Variants in TTC8 observed in about 807,000 individuals in gnomAD.
The protein encoded by TTC8 is tetratricopeptide repeat protein 8.
In TTC8, 47 loss-of-function variants were observed where a neutral mutation model predicts 72.5. The ratio of observed to expected loss-of-function variants is 0.65; its 90% CI spans 0.51 to 0.83. The LOEUF (loss-of-function observed/expected upper bound fraction) is 0.83. TTC8 is among the 40% of genes least tolerant of loss of function. The probability of loss-of-function intolerance (pLI) is 0.00; values close to 1 mark genes in which losing one functional copy is unlikely to be tolerated. For synonymous variants in TTC8, 199 were observed against 221.4 expected (o/e 0.90, Z 0.90); for missense variants, 611 against 623.2 (o/e 0.98, Z 0.21).
chr14:88,856,313 G>T (rs901505903), intron 8 of TTC8, among the ~76,000 whole-genome samples: 3 of 152,086 alleles, frequency 2.0e-5, no homozygotes, highest in Non-Finnish European at 4.4e-5. Context: ...AATGCTTAAG[G>T]TTTAAGGTTA....
At chr14:88,872,579 T>A (rs1222473598) in intron 13 of TTC8, 127 bp downstream of exon 13, 3 of 1,356,754 alleles carry the variant, frequency 2.2e-6, no homozygotes, top group Non-Finnish European at 3.1e-6. Flanking sequence ...TGGATTTGAA[T>A]CCCAGCTCTG....
intron 1 of TTC8, among the ~76,000 whole-genome samples, chr14:88,826,265 G>A (rs1185638801): frequency 6.6e-6 from 1 of 151,674 alleles, no homozygotes; most frequent in African/African-American, 2.4e-5. Flanking sequence ...TGGGATTACA[G>A]GCATGAGCCA....
chr14:88,850,041 T>TA (rs971566428), intron 7 of TTC8, among the ~76,000 whole-genome samples: 115 of 152,232 alleles, frequency 7.6e-4, no homozygotes, highest in African/African-American at 2.6e-3. Context: ...CTTACTGCTT[T>TA]AAAAAAATGG....
intron 11 of TTC8, 44 bp downstream of exon 11, chr14:88,870,242 A>G: frequency 6.3e-7 from 1 of 1,593,492 alleles, no homozygotes; most frequent in Non-Finnish European, 8.6e-7. Flanking sequence ...CCTGTGAAAT[A>G]TTGATAAAAT....
chr14:88,841,195 C>T lies in TTC8; in HGVS notation c.488C>T (p.Thr163Met), dbSNP rs758942370. 71 of 1,613,838 alleles carry T rather than the reference C, an allele frequency of 4.4e-5. No homozygotes were observed. Among genetic ancestry groups the T allele is most frequent in the East Asian group, 2.2e-4 (10 of 44,880 alleles). Residue 163 changes from threonine (T) to methionine (M), a missense_variant and splice_region_variant, in exon 5 of 15, where the codon ACG becomes ATG. Physicochemically the swap from Thr to Met is moderately conservative, Grantham distance 81. Coordinates refer to ENST00000380656, the MANE Select transcript of TTC8 (RefSeq NM_144596.4). ...SSSGRFVRLG[T>M]ASMLTSPDGP... The stretch of plus-strand genomic sequence containing the variant: ...TCCGGAAGATTTGTCAGGCTGGGAA[C>T]GGTAAATTCTATCAGCTTTCCCATA...
chr14:88,866,366 G>A (rs2094909082), intron 10 of TTC8, among the ~76,000 whole-genome samples: 1 of 146,120 alleles, frequency 6.8e-6, no homozygotes, highest in South Asian at 2.2e-4. Flanking sequence ...AAAAATTGCT[G>A]AAAATGGGAG....
intron 5 of TTC8, 24 bp downstream of exon 5, chr14:88,841,220 A>G: frequency 6.2e-7 from 1 of 1,613,840 alleles, no homozygotes; most frequent in Non-Finnish European, 8.5e-7. Context: ...GCTTTCCCAT[A>G]GCCTTGTATT....
At chr14:88,824,609 C>T (rs2094689307), upstream of TTC8, 3 of 941,822 alleles carry the variant, frequency 3.2e-6, no homozygotes, top group South Asian at 1.4e-5. Context: ...AGGCCCCAGC[C>T]GTCGCGGGTT....
chr14:88,874,756 T>C (rs7161067), intron 13 of TTC8, among the ~76,000 whole-genome samples: 1 of 152,192 alleles, frequency 6.6e-6, no homozygotes, highest in African/African-American at 2.4e-5. Flanking sequence ...CCCAAATAAC[T>C]TTAAATGTAC....
chr14:88,829,410 C>T (rs981663575), intron 1 of TTC8, among the ~76,000 whole-genome samples: 1 of 152,228 alleles, frequency 6.6e-6, no homozygotes, highest in Non-Finnish European at 1.5e-5. Flanking sequence ...TCATCCTGAT[C>T]AGTTGCTTAA....
intron 1 of TTC8, among the ~76,000 whole-genome samples, chr14:88,832,427 G>A (rs2094730212): frequency 6.6e-6 from 1 of 151,592 alleles, no homozygotes; most frequent in Non-Finnish European, 1.5e-5. Context: ...GATTTATCTT[G>A]TATCTCTCCT....
chr14:88,849,328 A>T (rs1293595555), intron 7 of TTC8, among the ~76,000 whole-genome samples: 1 of 152,148 alleles, frequency 6.6e-6, no homozygotes. Context: ...TTCTGAATGG[A>T]AGAAGGATTT....
intron 6 of TTC8, 25 bp from the exon 7 acceptor site, chr14:88,843,781 A>AT (rs1230900863): frequency 6.4e-7 from 1 of 1,572,630 alleles, no homozygotes. Context: ...AATCTAACGT[A>AT]TTTTTGACAC....
At chr14:88,879,685 ATTATTATTATTAT>A (rs2094968038), downstream of TTC8, 1 of 146,720 alleles carries the variant, frequency 6.8e-6, no homozygotes, top group Non-Finnish European at 1.5e-5. Flanking sequence ...TATTATTATT[ATTATTATTATTAT>A]GACAGTCTTG....
chr14:88,854,653 A>G (rs568871366), intron 8 of TTC8, among the ~76,000 whole-genome samples: 1 of 152,170 alleles, frequency 6.6e-6, no homozygotes, highest in South Asian at 2.1e-4. Context: ...AACCTTATAC[A>G]CATAGCCTGA....
In TTC8 at chr14:88,870,101, G is replaced by GTTT; in HGVS notation, c.954_956dup (p.Val318_Leu319insPhe). 6.2e-7 allele frequency: 1 copy of GTTT among 1,614,026 alleles called. No homozygotes were observed. Among genetic ancestry groups the GTTT allele is most frequent in the Non-Finnish European group, 8.5e-7 (1 of 1,179,936 alleles). On this transcript the variant is annotated inframe_insertion, in exon 11 of 15. Coordinates refer to ENST00000380656, the MANE Select transcript of TTC8 (RefSeq NM_144596.4). ...ATCAGCAGCAGAATATTACAAAGAA[G>GTTT]TTTTGAAACAAGACAATACTCATGT...
rs757872778 is a variant in TTC8, at chr14:88,841,456, T to A, written c.521T>A (p.Phe174Tyr). 1 of 1,613,810 alleles carries A rather than the reference T, an allele frequency of 6.2e-7. No homozygotes were observed. Among genetic ancestry groups the A allele is most frequent in the South Asian group, 1.1e-5 (1 of 91,082 alleles). Residue 174 changes from phenylalanine to tyrosine, a missense_variant, in exon 6 of 15, where the codon TTT (phenylalanine) becomes TAT (tyrosine). By Grantham distance (22) the Phe-to-Tyr change is conservative. Transcript: ENST00000380656. The stretch of plus-strand genomic sequence containing the variant: ...ATGCTTACAAGTCCTGATGGACCAT[T>A]TATAAATTTATCTAGGCTGAATTTA... ...ASMLTSPDGP[F>Y]INLSRLNLTK...
Position 88,840,924 on chromosome 14 carries a change from G to T in TTC8, c.325G>T (p.Val109Phe), listed in dbSNP as rs150067562. 1.9e-6 allele frequency: 3 copies of T among 1,614,004 alleles called. No homozygotes were observed. The highest frequency in any genetic ancestry group is 2.7e-5 in the African/African-American group (2 of 74,928). ...TCAGACAGGAGGGCCTAGCCAGGCC[G>T]TTAGGTATGTACTTCTGCTTCATAA... ...TNQTGGPSQAVRPITQAGRPI... is the reference protein window; with the variant it reads ...TNQTGGPSQAFRPITQAGRPI... The change falls in exon 4 of 15, where the codon GTT becomes TTT. Residue 109 changes from valine (V) to phenylalanine (F), a missense_variant. By Grantham distance (50) the Val-to-Phe change is conservative. Transcript: ENST00000380656.
chr14:88,842,155 G>T (rs1288022779), intron 6 of TTC8, among the ~76,000 whole-genome samples: 1 of 152,136 alleles, frequency 6.6e-6, no homozygotes, highest in Non-Finnish European at 1.5e-5. Context: ...AACCTTGAGG[G>T]TGAGCTTGCA....
Sources: gnomAD v4.1 joint callset for allele counts (sites outside exome capture counted in the v4.1 genomes callset) on GRCh38, gnomAD v4.1.1 for gene constraint, MANE v1.5 for transcripts, NCBI Gene and HGNC (gene_info 2026-07-23, HGNC 2026-07-21) for gene names.